Variants in HS3ST4 observed in about 807,000 individuals in gnomAD.
HS3ST4 encodes heparan sulfate glucosamine 3-O-sulfotransferase 4.
Under a neutral mutation model 29.2 loss-of-function variants are expected in HS3ST4, and 17 were observed. The ratio of observed to expected loss-of-function variants is 0.58; its 90% CI spans 0.40 to 0.87. HS3ST4 has a LOEUF of 0.87. Ranked by LOEUF, HS3ST4 falls within the 40% of genes least tolerant of loss-of-function variation. HS3ST4 has a pLI of 0.00. For synonymous variants in HS3ST4, 314 were observed against 285.7 expected, an observed-to-expected ratio of 1.10 and a Z score of -1.00; for missense variants, 627 against 634.5, an observed-to-expected ratio of 0.99 and a Z score of 0.13.
At chr16:26,029,452 G>A (rs112099352) in intron 1 of HS3ST4, among the ~76,000 whole-genome samples, 474 of 151,414 alleles carry the variant, frequency 3.1e-3, no homozygotes, top group African/African-American at 0.011. Context: ...TCACTCTGTC[G>A]CCCAGGCTGG....
chr16:25,755,462 A>G (rs1966751546), intron 1 of HS3ST4, among the ~76,000 whole-genome samples: 1 of 152,150 alleles, frequency 6.6e-6, no homozygotes, highest in African/African-American at 2.4e-5. Flanking sequence ...CATGGCATGC[A>G]TGGAGAGGTT....
rs911360122 is a variant in HS3ST4 at position 25,807,245 on chromosome 16, A to T, written c.734+114094A>T. ...CACCTTGGCCTTCCAAAGTGCTGGG[A>T]TTACAGGCGTGAGCCACCACGCCCG... On this transcript the variant is annotated intron_variant, in intron 1 of 1. Coordinates refer to ENST00000331351, the MANE Select transcript of HS3ST4 (RefSeq NM_006040.3). Among the ~76,000 whole-genome samples the T allele has an allele frequency of 3.9e-5, 6 of 152,168 alleles. No individual in the cohort carries two copies. The East Asian group carries it at 1.2e-3, about 29-fold the overall frequency.
intron 1 of HS3ST4, among the ~76,000 whole-genome samples, chr16:25,816,561 C>G (rs1967094170): frequency 6.6e-6 from 1 of 152,134 alleles, no homozygotes; most frequent in African/African-American, 2.4e-5. Flanking sequence ...TTTATGATTC[C>G]AAGAGGCTAG....
intron 1 of HS3ST4, among the ~76,000 whole-genome samples, chr16:25,999,884 A>ATATATATATTATATATTATATATATAT (rs1969196186): frequency 1.6e-5 from 2 of 121,392 alleles, no homozygotes; most frequent in South Asian, 4.7e-4. Context: ...TATATATATT[A>ATATATATATTATATATTATATATATAT]TATATATATA....
intron 1 of HS3ST4, among the ~76,000 whole-genome samples, chr16:25,876,269 A>G (rs1045987620): frequency 3.3e-5 from 5 of 152,158 alleles, no homozygotes; most frequent in African/African-American, 1.2e-4. Flanking sequence ...CAGGAAATCC[A>G]ATTTCACACT....
chr16:25,842,193 C>T (rs1967421829), intron 1 of HS3ST4, among the ~76,000 whole-genome samples: 2 of 152,208 alleles, frequency 1.3e-5, no homozygotes, highest in Non-Finnish European at 2.9e-5. Flanking sequence ...AAAAGGTCAC[C>T]TTAAGGAGTC....
At chr16:26,029,218 A>T (rs1016512938) in intron 1 of HS3ST4, among the ~76,000 whole-genome samples, 1 of 152,184 alleles carries the variant, frequency 6.6e-6, no homozygotes, top group African/African-American at 2.4e-5. Context: ...AAAATGAGCT[A>T]AGAGTTATGA....
intron 1 of HS3ST4, among the ~76,000 whole-genome samples, chr16:25,761,468 A>G (rs545214809): frequency 6.6e-5 from 10 of 152,360 alleles, no homozygotes; most frequent in Middle Eastern, 3.4e-3. Context: ...TGGAGAGCAT[A>G]GTCCTGGACA....
intron 1 of HS3ST4, among the ~76,000 whole-genome samples, chr16:26,110,643 C>T (rs1045329150): frequency 1.3e-5 from 2 of 152,212 alleles, no homozygotes; most frequent in African/African-American, 4.8e-5. Flanking sequence ...GCAATTGCTT[C>T]CTTGTGGGTT....
At chr16:25,865,497 A>G (rs1197588929) in intron 1 of HS3ST4, among the ~76,000 whole-genome samples, 32 of 112,196 alleles carry the variant, frequency 2.9e-4, no homozygotes, top group Admixed American at 1.9e-3. Context: ...TGCCCATTTT[A>G]AAAATCAGGT....
chr16:25,840,569 G>C (rs563930716), intron 1 of HS3ST4, among the ~76,000 whole-genome samples: 1 of 152,186 alleles, frequency 6.6e-6, no homozygotes, highest in Non-Finnish European at 1.5e-5. Context: ...TGATGGTAAA[G>C]ATAATGTAAT....
At chr16:25,922,966 T>C (rs372288328) in intron 1 of HS3ST4, among the ~76,000 whole-genome samples, 6 of 152,356 alleles carry the variant, frequency 3.9e-5, no homozygotes, top group African/African-American at 1.4e-4. Flanking sequence ...CTGAAGGGCC[T>C]GTTGGAGCGG....
intron 1 of HS3ST4, among the ~76,000 whole-genome samples, chr16:25,887,410 A>C (rs1422414042): frequency 6.6e-6 from 1 of 152,048 alleles, no homozygotes; most frequent in African/African-American, 2.4e-5. Context: ...ATCCTCACTA[A>C]AGGGCTAGGA....
chr16:26,136,599 A>C lies in HS3ST4; in HGVS notation c.*351A>C, dbSNP rs1898287096. ...TTAATGTATATGTGAGCGACAAAAA[A>C]GGTCTGCTTTATAGGGGTTCTCACT... is the stretch of plus-strand genomic sequence containing the variant. On this transcript the variant is annotated 3_prime_UTR_variant, in exon 2 of 2. Transcript: ENST00000331351. 3.7e-6 allele frequency: 1 copy of C among 268,196 alleles called. No homozygotes were observed. The allele number at this position is 268,196 out of a possible 1,614,324, so 16.6% of individuals were successfully genotyped here.
intron 1 of HS3ST4, among the ~76,000 whole-genome samples, chr16:25,722,816 G>A (rs1449935017): frequency 2.5e-4 from 38 of 152,120 alleles, no homozygotes; most frequent in Non-Finnish European, 5.9e-5. Context: ...GACTTCATGG[G>A]GGTAGTTGTA....
intron 1 of HS3ST4, among the ~76,000 whole-genome samples, chr16:25,896,685 G>A (rs1272854373): frequency 5.3e-5 from 8 of 152,082 alleles, no homozygotes; most frequent in South Asian, 2.1e-4. Context: ...AAAAAAGCAC[G>A]TGCACCCGTA....
chr16:25,808,814 C>T lies in HS3ST4; in HGVS notation c.734+115663C>T, dbSNP rs189079898. 1.8e-3 allele frequency among the ~76,000 whole-genome samples: 257 copies of T among 140,270 alleles called. 2 individuals are homozygous for T. The highest frequency in any genetic ancestry group is 6.7e-3 in the African/African-American group (244 of 36,306). The allele number at this position is 140,270 out of a possible 152,430, so 92.0% of individuals were successfully genotyped here. On this transcript the variant is annotated intron_variant, in intron 1 of 1. Coordinates refer to ENST00000331351, the MANE Select transcript of HS3ST4 (RefSeq NM_006040.3). ...TTATTGGCATTTTATAACTTTTAGCCTACAGATACTATACCTATTAAGCTT... is the reference window on the plus strand; with the variant it reads ...TTATTGGCATTTTATAACTTTTAGCTTACAGATACTATACCTATTAAGCTT...
chr16:26,121,467 G>A (rs1224197435), intron 1 of HS3ST4, among the ~76,000 whole-genome samples: 3 of 152,188 alleles, frequency 2.0e-5, no homozygotes, highest in South Asian at 4.1e-4. Flanking sequence ...TCAGAATTGC[G>A]ATGGTCCATG....
chr16:26,026,511 CTAGCTTTGCCCCA>C (rs1567296542), intron 1 of HS3ST4, among the ~76,000 whole-genome samples: 3 of 152,144 alleles, frequency 2.0e-5, no homozygotes, highest in African/African-American at 7.2e-5. Context: ...TCCATGCAGG[CTAGCTTTGCCCCA>C]TAGTCATGAA....
Sources: allele counts gnomAD v4.1 joint callset (sites outside exome capture counted in the v4.1 genomes callset), GRCh38; gene constraint gnomAD v4.1.1; transcripts MANE v1.5; gene names NCBI Gene and HGNC (gene_info 2026-07-23, HGNC 2026-07-21).